STAU2: variants seen among roughly 807,000 people sequenced by gnomAD.
STAU2 encodes double-stranded RNA-binding protein Staufen homolog 2.
Under a neutral mutation model 65.9 loss-of-function variants are expected in STAU2, and 20 were observed. That is an observed-to-expected ratio of 0.30 (90% CI 0.21 to 0.44). The LOEUF (loss-of-function observed/expected upper bound fraction) is 0.44, where lower values mean the gene tolerates loss of function less well. STAU2 is among the 20% of genes least tolerant of loss of function. The pLI, the probability that STAU2 is intolerant of heterozygous loss-of-function variation, is 1.00. For missense variants in STAU2, 558 were observed against 683.9 expected (o/e 0.82, Z 2.05); for synonymous variants, 232 against 233.9 (o/e 0.99, Z 0.07).
intron 6 of STAU2, 134 bp from the exon 7 acceptor site, chr8:73,617,585 C>T: frequency 2.4e-6 from 2 of 828,030 alleles, no homozygotes; most frequent in East Asian, 2.7e-5. Context: ...CAAAAACATA[C>T]TTTTTTGATA....
intron 9 of STAU2, among the ~76,000 whole-genome samples, chr8:73,610,292 T>A (rs1392889333): frequency 3.4e-5 from 5 of 148,382 alleles, no homozygotes; most frequent in Admixed American, 3.4e-4. Flanking sequence ...AAAAAACAAC[T>A]CTGGGTGGCA....
chr8:73,477,341 G>T (rs919962920), intron 13 of STAU2, among the ~76,000 whole-genome samples: 3 of 152,002 alleles, frequency 2.0e-5, no homozygotes, highest in African/African-American at 7.3e-5. Context: ...ACTTTCATGG[G>T]GTCCAACCAG....
At chr8:73,685,251 A>G (rs571393000) in intron 5 of STAU2, among the ~76,000 whole-genome samples, 1 of 152,204 alleles carries the variant, frequency 6.6e-6, no homozygotes, top group African/African-American at 2.4e-5. Flanking sequence ...ACCCAGAATC[A>G]GGAAGTTCTT....
chr8:73,436,249 G>T (rs1218022157), intron 13 of STAU2, among the ~76,000 whole-genome samples: 1 of 151,634 alleles, frequency 6.6e-6, no homozygotes, highest in African/African-American at 2.4e-5. Context: ...TGAAATAGAG[G>T]CCCCAGCATA....
chr8:73,485,825 C>A (rs1374774949), intron 13 of STAU2, among the ~76,000 whole-genome samples: 4 of 152,024 alleles, frequency 2.6e-5, no homozygotes, highest in Non-Finnish European at 5.9e-5. Flanking sequence ...CACAATGGGA[C>A]CCTATCTCAA....
intron 6 of STAU2, among the ~76,000 whole-genome samples, chr8:73,631,747 A>G (rs1279999372): frequency 6.6e-6 from 1 of 152,200 alleles, no homozygotes; most frequent in Non-Finnish European, 1.5e-5. Flanking sequence ...CAAGTTGGTC[A>G]AGGTCCTTGT....
At chr8:73,457,906 G>A (rs1455137542) in intron 13 of STAU2, among the ~76,000 whole-genome samples, 1 of 152,198 alleles carries the variant, frequency 6.6e-6, no homozygotes, top group South Asian at 2.1e-4. Flanking sequence ...GTCTTGTGGA[G>A]GTGAATGGGG....
At chr8:73,642,355 T>C (rs987978641) in intron 6 of STAU2, among the ~76,000 whole-genome samples, 5 of 152,072 alleles carry the variant, frequency 3.3e-5, no homozygotes, top group African/African-American at 9.7e-5. Flanking sequence ...AAACCCCATC[T>C]CTACTAAAAA....
chr8:73,543,377 C>T (rs1324558087), intron 13 of STAU2, among the ~76,000 whole-genome samples: 1 of 152,138 alleles, frequency 6.6e-6, no homozygotes, highest in African/African-American at 2.4e-5. Context: ...ACTCATCAAA[C>T]TGTACAATAT....
intron 12 of STAU2, among the ~76,000 whole-genome samples, chr8:73,576,734 G>GT (rs1458954371): frequency 6.6e-6 from 1 of 152,066 alleles, no homozygotes; most frequent in Non-Finnish European, 1.5e-5. Context: ...TTCACAAATT[G>GT]TAATACACTT....
intron 4 of STAU2, among the ~76,000 whole-genome samples, chr8:73,707,646 G>C (rs1248326893): frequency 6.6e-6 from 1 of 152,124 alleles, no homozygotes; most frequent in Non-Finnish European, 1.5e-5. Flanking sequence ...CTGGGGGACT[G>C]TCTCAAGGAA....
intron 13 of STAU2, among the ~76,000 whole-genome samples, chr8:73,484,131 A>G (rs1820789231): frequency 6.6e-6 from 1 of 152,174 alleles, no homozygotes; most frequent in African/African-American, 2.4e-5. Flanking sequence ...GAGGTCATCA[A>G]GTCCCTGTGT....
chr8:73,717,102 C>CA (rs1238890228), intron 3 of STAU2, among the ~76,000 whole-genome samples: 3 of 150,462 alleles, frequency 2.0e-5, no homozygotes, highest in Non-Finnish European at 3.0e-5. Context: ...ACTCTGTCTC[C>CA]AAAAAAAATA....
intron 13 of STAU2, among the ~76,000 whole-genome samples, chr8:73,444,315 A>T (rs546163814): frequency 1.3e-5 from 2 of 151,672 alleles, no homozygotes; most frequent in Non-Finnish European, 2.9e-5. Context: ...TGGAGGCAGG[A>T]GAATCGCTTG....
At chr8:73,623,177 T>A (rs1813389903) in intron 6 of STAU2, among the ~76,000 whole-genome samples, 2 of 152,228 alleles carry the variant, frequency 1.3e-5, no homozygotes, top group Non-Finnish European at 1.5e-5. Flanking sequence ...AGCAACTTTT[T>A]ATACCACATA....
At chr8:73,509,236 C>T (rs992337042) in intron 13 of STAU2, among the ~76,000 whole-genome samples, 2 of 152,092 alleles carry the variant, frequency 1.3e-5, no homozygotes, top group African/African-American at 4.8e-5. Context: ...TTGCATTTCC[C>T]TGATGGCTAA....
Position 73,650,698 on chromosome 8 carries a change from A to G in STAU2, c.410+22409T>C, listed in dbSNP as rs1316677588. Among the ~76,000 whole-genome samples the G allele has an allele frequency of 2.6e-5, 4 of 152,262 alleles. No homozygotes were observed. In the South Asian group the frequency reaches 8.3e-4, roughly 32 times the overall value. ...TTTCTCTGTTGACTTTTGATCTACA[A>G]CTCACAAAAAGGGTGGGTTTTTTCC... is the stretch of plus-strand genomic sequence containing the variant. On this transcript the variant is annotated intron_variant, in intron 6 of 14. Coordinates refer to ENST00000524300, the MANE Select transcript of STAU2 (RefSeq NM_001164380.2).
intron 3 of STAU2, among the ~76,000 whole-genome samples, chr8:73,710,625 C>CTA (rs1283311656): frequency 6.6e-6 from 1 of 151,962 alleles, no homozygotes; most frequent in Non-Finnish European, 1.5e-5. Context: ...ATACAAGGTA[C>CTA]TATTATAGCT....
intron 1 of STAU2, among the ~76,000 whole-genome samples, chr8:73,742,599 C>T (rs1342940239): frequency 2.0e-5 from 3 of 151,606 alleles, no homozygotes; most frequent in South Asian, 2.1e-4. Context: ...CAGTTGATTC[C>T]AATTACAACT....
Sources: gnomAD v4.1 joint callset for allele counts (sites outside exome capture counted in the v4.1 genomes callset) on GRCh38, gnomAD v4.1.1 for gene constraint, MANE v1.5 for transcripts, NCBI Gene and HGNC (gene_info 2026-07-23, HGNC 2026-07-21) for gene names.